Variants in C2orf80 observed in about 807,000 individuals in gnomAD.
C2orf80 encodes chromosome 2 open reading frame 80.
In C2orf80, 28 loss-of-function variants were observed where a neutral mutation model predicts 30.2. That is an observed-to-expected ratio of 0.93 (90% CI 0.69 to 1.27). The LOEUF is 1.27. Among genes scored for constraint, C2orf80 ranks in the 50% most tolerant of loss-of-function variants. The pLI is 0.00. For missense variants in C2orf80, 220 were observed against 231.0 expected (o/e 0.95, Z 0.31); for synonymous variants, 80 against 76.4 (o/e 1.05, Z -0.24).
chr2:208,183,813 C>A (rs1233346210), intron 3 of C2orf80, among the ~76,000 whole-genome samples: 1 of 152,152 alleles, frequency 6.6e-6, no homozygotes, highest in African/African-American at 2.4e-5. Context: ...AGCTGAGAAC[C>A]AATGCGGAGG....
intron 2 of C2orf80, among the ~76,000 whole-genome samples, chr2:208,186,002 T>C (rs1696707929): frequency 6.6e-6 from 1 of 152,200 alleles, no homozygotes; most frequent in Admixed American, 6.5e-5. Context: ...ATGTCTTTCT[T>C]TACCATATCA....
At chr2:208,170,527 G>T (rs1172053741) in intron 8 of C2orf80, among the ~76,000 whole-genome samples, 1 of 152,092 alleles carries the variant, frequency 6.6e-6, no homozygotes, top group Non-Finnish European at 1.5e-5. Context: ...GAAACATTTG[G>T]GATACAGAAA....
intron 4 of C2orf80, among the ~76,000 whole-genome samples, chr2:208,182,565 G>A (rs551834390): frequency 3.9e-5 from 6 of 152,178 alleles, no homozygotes; most frequent in Non-Finnish European, 7.4e-5. Context: ...CACGCTAGGC[G>A]AATTTTTGTA....
rs142445019 is a variant in C2orf80, at chr2:208,178,058, T to C, written c.366+2687A>G. Among the ~76,000 whole-genome samples, 282 of 152,076 alleles carry C rather than the reference T, an allele frequency of 1.9e-3. 1 individual carries two copies. The highest frequency in any genetic ancestry group is 3.5e-3 in the South Asian group (17 of 4,814). Reference sequence around the variant, plus strand: ...GTCTCAAACTCCTGACCTCAGGTGATCCACCCACCTCTGCCTCCTAAGGTG... The same window carrying C: ...GTCTCAAACTCCTGACCTCAGGTGACCCACCCACCTCTGCCTCCTAAGGTG... On this transcript the variant is annotated intron_variant, in intron 6 of 8. Transcript: ENST00000341287.
rs1488605122 is a variant in C2orf80 at position 208,165,748 on chromosome 2, T to C, written c.*59A>G. The C allele has an allele frequency of 1.9e-5, 31 of 1,610,884 alleles. No homozygotes were observed. Among genetic ancestry groups the C allele is most frequent in the Non-Finnish European group, 2.5e-5 (30 of 1,179,100 alleles). ...GGCAAGAGCTGTGGTTTTAAGATGA[T>C]GCTTCTCGTCTGCTCCCAGAGAATC... is the stretch of plus-strand genomic sequence containing the variant. On this transcript the variant is annotated 3_prime_UTR_variant, in exon 9 of 9. Coordinates refer to ENST00000341287, the MANE Select transcript of C2orf80 (RefSeq NM_001099334.3).
chr2:208,175,783 T>G (rs923828404), intron 6 of C2orf80, among the ~76,000 whole-genome samples: 4 of 151,986 alleles, frequency 2.6e-5, no homozygotes, highest in African/African-American at 9.7e-5. Context: ...TTTGAAATTA[T>G]GTTAAATTCC....
At chr2:208,167,004 A>G (rs1185102281) in intron 8 of C2orf80, among the ~76,000 whole-genome samples, 1 of 152,180 alleles carries the variant, frequency 6.6e-6, no homozygotes, top group Non-Finnish European at 1.5e-5. Flanking sequence ...TGCTTATAAC[A>G]ACCCTATGAG....
Position 208,165,819 on chromosome 2 carries a change from C to A in C2orf80, c.574-4G>T. On this transcript the variant is annotated splice_region_variant and splice_polypyrimidine_tract_variant and intron_variant, in intron 8 of 8. Transcript: ENST00000341287. ...CAATTCCAATTTTCTAAGTGACCTG[C>A]AGAATAAAAGATGATTTTGGTATCA... 1.2e-6 allele frequency: 2 copies of A among 1,606,576 alleles called. No homozygotes were observed. Among genetic ancestry groups the A allele is most frequent in the Non-Finnish European group, 1.7e-6 (2 of 1,175,812 alleles).
At position 208,171,857 on chromosome 2, in the gene C2orf80, G is replaced by A. The variant is rs765677922; in HGVS notation, c.454+131C>T. On this transcript the variant is annotated intron_variant, in intron 7 of 8. Coordinates refer to ENST00000341287, the MANE Select transcript of C2orf80 (RefSeq NM_001099334.3). ...GGGAAATCAAGCCCTAAGAGCCCCT[G>A]GTTCTTTTAAATTCAACCAGACATA... is the stretch of plus-strand genomic sequence containing the variant. 2.7e-4 allele frequency: 220 copies of A among 823,084 alleles called. 1 individual carries two copies. Among genetic ancestry groups the A allele is most frequent in the Non-Finnish European group, 3.9e-4 (181 of 469,890 alleles). The allele number at this position is 823,084 out of a possible 1,614,324, so 51.0% of individuals were successfully genotyped here.
chr2:208,170,940 C>G lies in C2orf80; in HGVS notation c.573+5G>C. The G allele has an allele frequency of 1.2e-6, 2 of 1,610,986 alleles. No homozygotes were observed. Among genetic ancestry groups the G allele is most frequent in the Non-Finnish European group, 1.7e-6 (2 of 1,177,204 alleles). ...GTTTGGTCCAATTTACAATCTCACA[C>G]CTACTTTGTGCTTTGGCTGTGTGTC... On this transcript the variant is annotated splice_donor_5th_base_variant and intron_variant, in intron 8 of 8. Transcript: ENST00000341287.
intron 6 of C2orf80, among the ~76,000 whole-genome samples, chr2:208,176,972 T>TCTTTATACATATGTATACAG (rs1696357487): frequency 2.1e-5 from 1 of 48,484 alleles, no homozygotes; most frequent in Non-Finnish European, 4.0e-5. Flanking sequence ...TATGTATACA[T>TCTTTATACATATGTATACAG]ATATACAGAA....
chr2:208,176,464 C>T (rs573448591), intron 6 of C2orf80, among the ~76,000 whole-genome samples: 22 of 152,352 alleles, frequency 1.4e-4, no homozygotes, highest in African/African-American at 4.3e-4. Context: ...GCGTGAGCCA[C>T]GGCACCTGGC....
At chr2:208,182,084 A>T (rs1696579316) in intron 4 of C2orf80, among the ~76,000 whole-genome samples, 1 of 152,142 alleles carries the variant, frequency 6.6e-6, no homozygotes. Flanking sequence ...ACTCTCTAGG[A>T]TCAGGTGTGT....
At chr2:208,174,850 C>G (rs1266486773) in intron 6 of C2orf80, among the ~76,000 whole-genome samples, 1 of 152,202 alleles carries the variant, frequency 6.6e-6, no homozygotes, top group Non-Finnish European at 1.5e-5. Flanking sequence ...CTGCCTTTGT[C>G]TCTTTCCTCT....
intron 6 of C2orf80, among the ~76,000 whole-genome samples, chr2:208,176,337 G>T (rs1002545981): frequency 6.6e-6 from 1 of 152,110 alleles, no homozygotes; most frequent in Non-Finnish European, 1.5e-5. Context: ...CACCACACCC[G>T]GCTAATTTTT....
In C2orf80 at chr2:208,182,964, C is replaced by T; in HGVS notation, c.206+1G>A. 1 of 1,611,388 alleles carries T rather than the reference C, an allele frequency of 6.2e-7. No individual in the cohort carries two copies. The highest frequency in any genetic ancestry group is 8.5e-7 in the Non-Finnish European group (1 of 1,177,482). Reference sequence around the variant, plus strand: ...AAAGCAACAAACCTACTTCAACTTACAGTTCCTCCCACTCCAGCCAAGTTA... The same window carrying T: ...AAAGCAACAAACCTACTTCAACTTATAGTTCCTCCCACTCCAGCCAAGTTA... On this transcript the variant is annotated splice_donor_variant, in intron 4 of 8. Transcript: ENST00000341287. LOFTEE classifies it high-confidence loss of function.
At chr2:208,170,283 T>A (rs1046824565) in intron 8 of C2orf80, among the ~76,000 whole-genome samples, 9 of 152,154 alleles carry the variant, frequency 5.9e-5, no homozygotes, top group Non-Finnish European at 1.2e-4. Context: ...ATCAGAGAAG[T>A]CTCTCTGACT....
chr2:208,182,036 T>C (rs1283122054), intron 4 of C2orf80, among the ~76,000 whole-genome samples: 1 of 151,998 alleles, frequency 6.6e-6, no homozygotes, highest in Admixed American at 6.5e-5. Flanking sequence ...CAATTGGATT[T>C]TCAAATTGGT....
chr2:208,167,245 C>G (rs28590668), intron 8 of C2orf80, among the ~76,000 whole-genome samples: 32,505 of 151,846 alleles, frequency 0.21, 3,993 homozygotes, highest in East Asian at 0.54. Context: ...GTTTCCTAGC[C>G]GGGCGCGGTG....
Sources: allele counts gnomAD v4.1 joint callset (sites outside exome capture counted in the v4.1 genomes callset), GRCh38; gene constraint gnomAD v4.1.1; transcripts MANE v1.5; gene names NCBI Gene and HGNC (gene_info 2026-07-23, HGNC 2026-07-21).